Variants in MSTO1 observed in about 807,000 individuals in gnomAD.
MSTO1 encodes the protein misato mitochondrial distribution and morphology regulator 1, also known as protein misato homolog 1.
MSTO1 carries 24 observed loss-of-function variants against 55.7 expected under a neutral mutation model. The observed-to-expected ratio is 0.43, with a 90% confidence interval of 0.31 to 0.61. The LOEUF (loss-of-function observed/expected upper bound fraction) is 0.61. Among genes scored for constraint, MSTO1 ranks in the 20% least tolerant of loss-of-function variants. The pLI is 0.09. For missense variants in MSTO1, 363 were observed against 625.7 expected (o/e 0.58, Z 4.48); for synonymous variants, 162 against 252.8 (o/e 0.64, Z 3.41).
At chr1:155,563,354 A>T in the MSTO1 span, 2 of 456,330 alleles carry the variant, frequency 4.4e-6, no homozygotes, top group Non-Finnish European at 8.8e-6. Context: ...CGACACGGGT[A>T]TTGTACCGCT....
At chr1:155,609,243 ATTTTT>A (rs1185140621), upstream of MSTO1, among the ~76,000 whole-genome samples, 1 of 54,590 alleles carries the variant, frequency 1.8e-5, no homozygotes, top group South Asian at 1.1e-3. Context: ...ATATATATAT[ATTTTT>A]TTTTTTTTTT....
At chr1:155,605,171 G>A in the MSTO1 span, among the ~76,000 whole-genome samples, 1 of 151,756 alleles carries the variant, frequency 6.6e-6, no homozygotes, top group African/African-American at 2.4e-5. Flanking sequence ...TGAGGCAAGA[G>A]AGTCACTTGA....
At chr1:155,591,018 G>A in the MSTO1 span, 21 of 1,613,754 alleles carry the variant, frequency 1.3e-5, no homozygotes, top group East Asian at 6.7e-5. Flanking sequence ...TGACACAGAC[G>A]GCACGTGCAG....
At chr1:155,609,241 A>ATT (rs1481008523), upstream of MSTO1, among the ~76,000 whole-genome samples, 161 of 48,316 alleles carry the variant, frequency 3.3e-3, 2 homozygotes, top group African/African-American at 0.01. Flanking sequence ...ATATATATAT[A>ATT]TATTTTTTTT....
At chr1:155,591,172 T>A in the MSTO1 span, 7 of 1,613,182 alleles carry the variant, frequency 4.3e-6, no homozygotes, top group Non-Finnish European at 5.1e-6. Context: ...GTGGTCACTT[T>A]CCACATGGGC....
upstream of MSTO1, among the ~76,000 whole-genome samples, chr1:155,605,911 A>G (rs1672926910): frequency 1.3e-5 from 2 of 152,268 alleles, no homozygotes; most frequent in South Asian, 2.1e-4. Context: ...ATACTTCCCA[A>G]CTTGTTTTTG....
the MSTO1 span, among the ~76,000 whole-genome samples, chr1:155,600,183 T>C: frequency 6.6e-6 from 1 of 152,364 alleles, no homozygotes; most frequent in Admixed American, 6.5e-5. Context: ...TACCTGGCTT[T>C]CCTAGGCAGA....
chr1:155,578,356 T>TTTTTTTTTC, the MSTO1 span, among the ~76,000 whole-genome samples: 1 of 128,912 alleles, frequency 7.8e-6, no homozygotes, highest in South Asian at 2.8e-4. Context: ...TTTTTTTTTT[T>TTTTTTTTTC]TTTTTTTTGA....
chr1:155,583,098 T>A, the MSTO1 span, among the ~76,000 whole-genome samples: 1 of 151,726 alleles, frequency 6.6e-6, no homozygotes, highest in Non-Finnish European at 1.5e-5. Context: ...CTCCAACTCC[T>A]GGCCTCAAAT....
intron 9 of MSTO1, 43 bp downstream of exon 9, chr1:155,612,613 GCCT>G: frequency 6.4e-7 from 1 of 1,567,162 alleles, no homozygotes; most frequent in Non-Finnish European, 8.6e-7. Context: ...AGGCTACAGG[GCCT>G]CCTCATGCTC....
chr1:155,609,401 A>C (rs1311258708), upstream of MSTO1, among the ~76,000 whole-genome samples: 1 of 150,522 alleles, frequency 6.6e-6, no homozygotes, highest in Non-Finnish European at 1.5e-5. Context: ...GCCCGCCACC[A>C]CGCCCAGCTA....
chr1:155,569,596 CCTGA>C, the MSTO1 span, among the ~76,000 whole-genome samples: 1 of 152,038 alleles, frequency 6.6e-6, no homozygotes, highest in East Asian at 1.9e-4. Flanking sequence ...CGCCACCACG[CCTGA>C]CTAATTTTTT....
At chr1:155,567,128 G>T in the MSTO1 span, among the ~76,000 whole-genome samples, 26 of 144,910 alleles carry the variant, frequency 1.8e-4, no homozygotes, top group South Asian at 1.3e-3. Context: ...ATAAGAGTTG[G>T]TTTTTTTTTT....
chr1:155,576,312 T>A, the MSTO1 span, among the ~76,000 whole-genome samples: 1 of 152,074 alleles, frequency 6.6e-6, no homozygotes, highest in African/African-American at 2.4e-5. Flanking sequence ...TTTATAGTTT[T>A]TTTGTTTTGT....
At chr1:155,573,840 C>CAAA in the MSTO1 span, among the ~76,000 whole-genome samples, 8 of 88,868 alleles carry the variant, frequency 9.0e-5, no homozygotes, top group South Asian at 3.2e-4. Context: ...CTCCATCTCA[C>CAAA]AAAAAAAAAA....
At chr1:155,590,078 G>C in the MSTO1 span, among the ~76,000 whole-genome samples, 21 of 152,150 alleles carry the variant, frequency 1.4e-4, no homozygotes, top group African/African-American at 4.6e-4. Flanking sequence ...GCTGGGACCT[G>C]ACCCTGCAAG....
At chr1:155,597,624 C>T in the MSTO1 span, among the ~76,000 whole-genome samples, 1 of 151,102 alleles carries the variant, frequency 6.6e-6, no homozygotes, top group Non-Finnish European at 1.5e-5. Context: ...ATTCTCCCGT[C>T]TCAGCCGCCT....
chr1:155,566,732 C>T, the MSTO1 span, among the ~76,000 whole-genome samples: 2 of 151,668 alleles, frequency 1.3e-5, no homozygotes, highest in African/African-American at 4.9e-5. Context: ...TCTCCTGCCT[C>T]AGCTTCCCAA....
At chr1:155,581,518 T>A in the MSTO1 span, among the ~76,000 whole-genome samples, 1 of 151,554 alleles carries the variant, frequency 6.6e-6, no homozygotes, top group Non-Finnish European at 1.5e-5. Flanking sequence ...TTCAAGCAGT[T>A]CTCATGCCTC....
Sources: allele counts gnomAD v4.1 joint callset (sites outside exome capture counted in the v4.1 genomes callset), GRCh38; gene constraint gnomAD v4.1.1; transcripts MANE v1.5; gene names NCBI Gene and HGNC (gene_info 2026-07-23, HGNC 2026-07-21).